CPA6: variants seen among roughly 807,000 people sequenced by gnomAD.
CPA6 encodes the protein carboxypeptidase B.
In CPA6, 58 loss-of-function variants were observed where a neutral mutation model predicts 63.3. That is an observed-to-expected ratio of 0.92 (90% CI 0.74 to 1.14). CPA6 has a LOEUF of 1.14. Ranked by LOEUF, CPA6 falls within the 50% of genes most tolerant of loss-of-function variation. CPA6 has a pLI of 0.00. For missense variants in CPA6, 565 were observed against 526.6 expected (o/e 1.07, Z -0.71); for synonymous variants, 185 against 179.0 (o/e 1.03, Z -0.27).
At chr8:67,474,573 T>C (rs1811132778) in intron 8 of CPA6, among the ~76,000 whole-genome samples, 2 of 152,242 alleles carry the variant, frequency 1.3e-5, no homozygotes, top group South Asian at 4.1e-4. Context: ...TAGAAAGAGT[T>C]TGGAATGGAT....
intron 8 of CPA6, among the ~76,000 whole-genome samples, chr8:67,434,918 C>A (rs905791410): frequency 7.9e-5 from 12 of 152,236 alleles, no homozygotes; most frequent in African/African-American, 2.9e-4. Context: ...CCTGAGGGGT[C>A]CTAGCCTGGA....
At position 67,434,177 on chromosome 8, in the gene CPA6, G is replaced by A. The variant is rs753468111; in HGVS notation, c.902C>T (p.Pro301Leu). 70 of 1,613,966 alleles carry A rather than the reference G, an allele frequency of 4.3e-5. No homozygotes were observed. Among genetic ancestry groups the A allele is most frequent in the South Asian group, 1.2e-4 (11 of 91,076 alleles). Residue 301 changes from proline to leucine, a missense_variant, in exon 9 of 11, where the codon CCG becomes CTG. Coordinates refer to ENST00000297770, the MANE Select transcript of CPA6 (RefSeq NM_020361.5). ...TYCGPFPESE[P>L]EVKAVANFLR... The stretch of plus-strand genomic sequence containing the variant: ...GAAGTTAGCTACAGCCTTCACTTCC[G>A]GCTCAGATTCTGGAAAAGGGCCACA...
At chr8:67,575,580 G>A (rs992918227) in intron 2 of CPA6, among the ~76,000 whole-genome samples, 3 of 152,172 alleles carry the variant, frequency 2.0e-5, no homozygotes, top group Non-Finnish European at 2.9e-5. Flanking sequence ...TTCTGGGCTG[G>A]GTGCAGTGGC....
At chr8:67,668,121 T>G (rs572591485) in intron 1 of CPA6, among the ~76,000 whole-genome samples, 1 of 152,370 alleles carries the variant, frequency 6.6e-6, no homozygotes, top group Admixed American at 6.5e-5. Context: ...GAAGACATCA[T>G]CAATCTGGTT....
At chr8:67,634,349 G>T (rs1459260267) in intron 1 of CPA6, among the ~76,000 whole-genome samples, 2 of 150,712 alleles carry the variant, frequency 1.3e-5, no homozygotes, top group Non-Finnish European at 2.9e-5. Flanking sequence ...CTCCCGAGTA[G>T]CTGGGACTAC....
intron 1 of CPA6, among the ~76,000 whole-genome samples, chr8:67,729,061 T>C (rs749934504): frequency 1.3e-5 from 2 of 152,196 alleles, no homozygotes; most frequent in Non-Finnish European, 2.9e-5. Flanking sequence ...TGACTCCTTA[T>C]CCTGCAATTC....
intron 8 of CPA6, among the ~76,000 whole-genome samples, chr8:67,475,817 CCTTTCTTTTCTTTCTTT>C (rs1563967561): frequency 1.6e-4 from 5 of 31,510 alleles, no homozygotes; most frequent in African/African-American, 7.7e-4. Context: ...TTCTTTCTTT[CCTTTCTTTTCTTTCTTT>C]CTTTCTTTCT....
At chr8:67,591,133 T>C (rs1814110832) in intron 2 of CPA6, among the ~76,000 whole-genome samples, 1 of 152,140 alleles carries the variant, frequency 6.6e-6, no homozygotes, top group South Asian at 2.1e-4. Flanking sequence ...CACCATTTAT[T>C]AAATAAGGAA....
intron 8 of CPA6, among the ~76,000 whole-genome samples, chr8:67,479,490 T>C (rs1811312529): frequency 6.6e-6 from 1 of 151,752 alleles, no homozygotes; most frequent in Non-Finnish European, 1.5e-5. Context: ...GAATCTGCCT[T>C]TTGTCAGTTG....
At chr8:67,428,585 G>A (rs892391436) in intron 9 of CPA6, among the ~76,000 whole-genome samples, 22 of 152,174 alleles carry the variant, frequency 1.4e-4, no homozygotes, top group African/African-American at 5.3e-4. Flanking sequence ...CTGGGTTCAA[G>A]CGATTCCCCT....
At chr8:67,565,232 C>T (rs1013878497) in intron 2 of CPA6, among the ~76,000 whole-genome samples, 2 of 151,326 alleles carry the variant, frequency 1.3e-5, no homozygotes, top group African/African-American at 2.4e-5. Flanking sequence ...TTGTAAACTG[C>T]TGCAGAATCC....
chr8:67,478,806 G>T (rs1231690595), intron 8 of CPA6, among the ~76,000 whole-genome samples: 1 of 152,220 alleles, frequency 6.6e-6, no homozygotes, highest in African/African-American at 2.4e-5. Context: ...GGAGGCCGAG[G>T]CAGGTGGATC....
chr8:67,596,669 C>T (rs960181322), intron 2 of CPA6, among the ~76,000 whole-genome samples: 28 of 152,166 alleles, frequency 1.8e-4, no homozygotes, highest in East Asian at 1.7e-3. Context: ...CAATAGTACA[C>T]GCTAATCTAT....
At chr8:67,667,207 C>A (rs556464837) in intron 1 of CPA6, among the ~76,000 whole-genome samples, 3 of 152,224 alleles carry the variant, frequency 2.0e-5, no homozygotes, top group Non-Finnish European at 4.4e-5. Flanking sequence ...TTCAGCATGT[C>A]AAGAAAAGGT....
chr8:67,463,990 T>C (rs1039154850), intron 8 of CPA6, among the ~76,000 whole-genome samples: 1 of 152,210 alleles, frequency 6.6e-6, no homozygotes, highest in African/African-American at 2.4e-5. Context: ...CGAGCGCATG[T>C]GTCTTTTGGG....
At chr8:67,502,830 G>A (rs1036484922) in intron 6 of CPA6, among the ~76,000 whole-genome samples, 3 of 151,986 alleles carry the variant, frequency 2.0e-5, no homozygotes, top group African/African-American at 7.2e-5. Context: ...TTTCATTGTG[G>A]TTACAGAACA....
intron 2 of CPA6, among the ~76,000 whole-genome samples, chr8:67,565,316 G>A (rs1182599019): frequency 6.6e-6 from 1 of 152,068 alleles, no homozygotes; most frequent in Non-Finnish European, 1.5e-5. Context: ...AGGATAATGG[G>A]ACGCAGAAAA....
At chr8:67,648,756 A>T (rs982782331) in intron 1 of CPA6, among the ~76,000 whole-genome samples, 1 of 152,198 alleles carries the variant, frequency 6.6e-6, no homozygotes, top group African/African-American at 2.4e-5. Flanking sequence ...AAGCTGTGGA[A>T]AAGTTCCATT....
chr8:67,475,805 CTTTCTTTCTTTCCTTTCTTTTCTTTCTTT>C (rs1563967440), intron 8 of CPA6, among the ~76,000 whole-genome samples: 789 of 59,090 alleles, frequency 0.013, 21 homozygotes, highest in Middle Eastern at 0.061. Flanking sequence ...TTCTTTCTTT[CTTTCTTTCTTTCCTTTCTTTTCTTTCTTT>C]CTTTCTTTCT....
Sources: gnomAD v4.1 joint callset for allele counts (sites outside exome capture counted in the v4.1 genomes callset) on GRCh38, gnomAD v4.1.1 for gene constraint, MANE v1.5 for transcripts, NCBI Gene and HGNC (gene_info 2026-07-23, HGNC 2026-07-21) for gene names.